The following SYT17 variants were observed in gnomAD, a reference collection of about 807,000 sequenced individuals.
The protein encoded by SYT17 is synaptotagmin 17.
A neutral mutation model predicts 46.7 loss-of-function variants in SYT17; 22 were observed. The observed-to-expected ratio is 0.47, with a 90% CI of 0.34 to 0.67. The LOEUF (loss-of-function observed/expected upper bound fraction) is 0.67. SYT17 is among the 30% of genes least tolerant of loss of function. SYT17 has a pLI of 0.01. For missense variants in SYT17, 519 were observed against 612.8 expected (o/e 0.85, Z 1.62); for synonymous variants, 251 against 248.4 (o/e 1.01, Z -0.10).
At chr16:19,169,252 T>C (rs976716962) in intron 1 of SYT17, among the ~76,000 whole-genome samples, 1 of 149,934 alleles carries the variant, frequency 6.7e-6, no homozygotes, top group African/African-American at 2.5e-5. Flanking sequence ...CTCTTCACCT[T>C]GAAGAAACGT....
chr16:19,190,802 GTGTGTGTC>G (rs921621683), intron 5 of SYT17, among the ~76,000 whole-genome samples: 12 of 126,656 alleles, frequency 9.5e-5, no homozygotes, highest in East Asian at 8.9e-4. Flanking sequence ...GTGTGTGTGT[GTGTGTGTC>G]ATATTTTGTT....
chr16:19,213,829 G>A (rs576610419), intron 5 of SYT17, among the ~76,000 whole-genome samples: 9 of 152,232 alleles, frequency 5.9e-5, no homozygotes, highest in South Asian at 4.1e-4. Context: ...TGCACCTGAC[G>A]AACTGTTCTT....
intron 5 of SYT17, among the ~76,000 whole-genome samples, chr16:19,212,143 G>T (rs1965927877): frequency 6.6e-6 from 1 of 152,162 alleles, no homozygotes; most frequent in African/African-American, 2.4e-5. Context: ...GGGGAGAGGG[G>T]TGATGCCGCT....
At chr16:19,237,416 G>A (rs1966863570) in intron 7 of SYT17, among the ~76,000 whole-genome samples, 2 of 152,124 alleles carry the variant, frequency 1.3e-5, no homozygotes. Flanking sequence ...GCTAAAACAG[G>A]GATGGGGGAA....
At chr16:19,214,011 T>C (rs1049288443) in intron 5 of SYT17, among the ~76,000 whole-genome samples, 2 of 152,218 alleles carry the variant, frequency 1.3e-5, no homozygotes, top group Non-Finnish European at 2.9e-5. Flanking sequence ...GGCTGTCTTG[T>C]ACCTTGTAGG....
At chr16:19,246,270 G>A (rs1050148002) in intron 7 of SYT17, among the ~76,000 whole-genome samples, 1 of 152,034 alleles carries the variant, frequency 6.6e-6, no homozygotes, top group Admixed American at 6.6e-5. Context: ...GGGATTGCAG[G>A]TGTGAGCCGC....
intron 3 of SYT17, among the ~76,000 whole-genome samples, chr16:19,177,851 C>T (rs902574110): frequency 6.6e-5 from 10 of 152,196 alleles, no homozygotes; most frequent in Admixed American, 2.0e-4. Context: ...GATTGTTTGT[C>T]GAACAAGCAC....
intron 1 of SYT17, among the ~76,000 whole-genome samples, chr16:19,169,356 G>A (rs981981244): frequency 6.6e-6 from 1 of 152,206 alleles, no homozygotes; most frequent in African/African-American, 2.4e-5. Flanking sequence ...GGGCTTCTTG[G>A]TGAAAAGACC....
chr16:19,262,015 C>T (rs964670319), intron 7 of SYT17, among the ~76,000 whole-genome samples: 1 of 152,128 alleles, frequency 6.6e-6, no homozygotes, highest in African/African-American at 2.4e-5. Context: ...AGGAGGAAAA[C>T]AAATCAAGGA....
intron 5 of SYT17, among the ~76,000 whole-genome samples, chr16:19,221,138 A>G (rs552493800): frequency 9.4e-4 from 138 of 146,812 alleles, no homozygotes; most frequent in Non-Finnish European, 1.9e-3. Flanking sequence ...GCAGGGAGCT[A>G]TGATCATGCC....
At chr16:19,238,283 G>A (rs141581882) in intron 7 of SYT17, among the ~76,000 whole-genome samples, 1 of 152,196 alleles carries the variant, frequency 6.6e-6, no homozygotes, top group Non-Finnish European at 1.5e-5. Context: ...CTATTGTGGG[G>A]ACAAAAGGAA....
intron 7 of SYT17, chr16:19,250,135 A>T: frequency 7.0e-7 from 1 of 1,432,902 alleles, no homozygotes. Flanking sequence ...CATTTTATTT[A>T]AAAATTTTTT....
At chr16:19,196,451 C>T (rs570097663) in intron 5 of SYT17, among the ~76,000 whole-genome samples, 100 of 152,162 alleles carry the variant, frequency 6.6e-4, no homozygotes, top group Non-Finnish European at 1.1e-3. Context: ...CCATGTTGGC[C>T]GGGCTGGTCT....
intron 5 of SYT17, among the ~76,000 whole-genome samples, chr16:19,203,942 G>A (rs1292138220): frequency 6.6e-6 from 1 of 152,188 alleles, no homozygotes; most frequent in Admixed American, 6.5e-5. Context: ...TGACGGAAGC[G>A]GAAGCTGGGG....
chr16:19,249,240 C>T (rs1386577466), intron 7 of SYT17, among the ~76,000 whole-genome samples: 1 of 151,674 alleles, frequency 6.6e-6, no homozygotes, highest in Non-Finnish European at 1.5e-5. Context: ...TGCCACGGCA[C>T]TCCAGCCTGG....
intron 5 of SYT17, among the ~76,000 whole-genome samples, chr16:19,201,352 C>T (rs1420923552): frequency 6.6e-6 from 1 of 152,118 alleles, no homozygotes; most frequent in African/African-American, 2.4e-5. Context: ...GTTCCCTGAG[C>T]TTCAGGCACA....
intron 7 of SYT17, among the ~76,000 whole-genome samples, chr16:19,243,529 G>T (rs1290185223): frequency 1.3e-5 from 2 of 152,060 alleles, no homozygotes; most frequent in Non-Finnish European, 1.5e-5. Flanking sequence ...GCCTCATCTG[G>T]CTGGGCGCAG....
intron 5 of SYT17, among the ~76,000 whole-genome samples, chr16:19,195,802 A>G (rs1229694597): frequency 6.6e-6 from 1 of 152,102 alleles, no homozygotes; most frequent in South Asian, 2.1e-4. Context: ...AGAGAAAAAG[A>G]GTGAGATCCC....
Position 19,183,464 on chromosome 16 carries a change from T to G in SYT17, c.332-64T>G. On this transcript the variant is annotated intron_variant, in intron 4 of 7. Coordinates refer to ENST00000355377, the MANE Select transcript of SYT17 (RefSeq NM_016524.4). The surrounding 1 kb of genome is among the most constrained non-coding windows in gnomAD (Gnocchi z 5.6). ...TAAACAATGCAAGAATCTGCTTACC[T>G]GCAAAGTGGCCCAGGTCTGCCCCGT... 1 of 1,588,274 alleles carries G rather than the reference T, an allele frequency of 6.3e-7. No individual in the cohort carries two copies. Among genetic ancestry groups the G allele is most frequent in the Non-Finnish European group, 8.6e-7 (1 of 1,166,278 alleles).
Sources: allele counts gnomAD v4.1 joint callset (sites outside exome capture counted in the v4.1 genomes callset), GRCh38; gene constraint gnomAD v4.1.1; non-coding constraint Gnocchi (gnomAD v3.1); transcripts MANE v1.5; gene names NCBI Gene and HGNC (gene_info 2026-07-23, HGNC 2026-07-21).